Variants in KIF5C observed in about 807,000 individuals in gnomAD.
The protein encoded by KIF5C is kinesin heavy chain isoform 5C.
A neutral mutation model predicts 125.2 loss-of-function variants in KIF5C; 18 were observed. The observed-to-expected ratio is 0.14, with a 90% CI of 0.10 to 0.21. The LOEUF is 0.21. Among genes scored for constraint, KIF5C ranks in the 10% least tolerant of loss-of-function variants. The pLI is 1.00. For synonymous variants in KIF5C, 405 were observed against 434.0 expected (o/e 0.93, Z 0.83); for missense variants, 780 against 1,183.8 (o/e 0.66, Z 5.01).
intron 17 of KIF5C, among the ~76,000 whole-genome samples, chr2:148,994,904 T>C (rs537097752): frequency 2.0e-5 from 3 of 152,232 alleles, no homozygotes; most frequent in East Asian, 1.9e-4. Context: ...GGTTTCACCA[T>C]ATTGGCCAGG....
At chr2:148,963,508 G>T (rs1682977972) in intron 11 of KIF5C, among the ~76,000 whole-genome samples, 1 of 152,188 alleles carries the variant, frequency 6.6e-6, no homozygotes, top group Non-Finnish European at 1.5e-5. Flanking sequence ...TAAATAACAT[G>T]ATTCTTTTAT....
In KIF5C at chr2:149,026,177, G is replaced by C. The variant is rs1682682795; in HGVS notation, c.*3107G>C. ...GCTATATGACATACTGGGAAAGGCA[G>C]AGGGTGGAGGGAAGATTTCACTTCA... On this transcript the variant is annotated 3_prime_UTR_variant, in exon 26 of 26. Transcript: ENST00000435030. 1 of 152,518 alleles carries C rather than the reference G, an allele frequency of 6.6e-6. No homozygotes were observed. 9.4% of individuals were successfully genotyped at this position (152,518 alleles called of 1,614,324 possible). A position where few individuals can be genotyped will look rare whatever the true frequency, so the allele number is the denominator to read the frequency against.
In KIF5C at chr2:148,994,484, C is replaced by T. The variant is rs1448658443; in HGVS notation, c.1969C>T (p.Leu657=). ...MQNMEQKRRQ[L]EESQDSLSEE... Reference sequence around the variant, plus strand: ...GAACATGGAACAGAAGAGGAGGCAGCTAGAAGAGTCCCAGGACTCGCTCAG... The same window carrying T: ...GAACATGGAACAGAAGAGGAGGCAGTTAGAAGAGTCCCAGGACTCGCTCAG... The change falls in exon 17 of 26, where the codon CTA becomes TTA. Residue 657 remains leucine, a synonymous_variant. Coordinates refer to ENST00000435030, the MANE Select transcript of KIF5C (RefSeq NM_004522.3). 1 of 1,576,396 alleles carries T rather than the reference C, an allele frequency of 6.3e-7. No individual in the cohort carries two copies. Among genetic ancestry groups the T allele is most frequent in the South Asian group, 1.2e-5 (1 of 85,532 alleles).
chr2:148,879,417 G>A (rs1681284181), intron 1 of KIF5C: 1 of 152,092 alleles, frequency 6.6e-6, no homozygotes, highest in Non-Finnish European at 1.5e-5. Flanking sequence ...GATAAGTGCT[G>A]TTTCTCTGAG....
intron 10 of KIF5C, among the ~76,000 whole-genome samples, chr2:148,954,360 C>T (rs7569536): frequency 0.15 from 22,289 of 152,188 alleles, 2,432 homozygotes; most frequent in African/African-American, 0.3. Flanking sequence ...TTTATTGATT[C>T]TTTTCTTCTG....
intron 24 of KIF5C, 125 bp from the exon 25 acceptor site, chr2:149,011,445 A>T: frequency 7.6e-7 from 1 of 1,317,948 alleles, no homozygotes; most frequent in Non-Finnish European, 1.0e-6. Flanking sequence ...CTGGTGGTTG[A>T]TAAGAATTGT....
At chr2:148,961,333 T>C (rs1421520066) in intron 10 of KIF5C, among the ~76,000 whole-genome samples, 1 of 152,046 alleles carries the variant, frequency 6.6e-6, no homozygotes, top group Non-Finnish European at 1.5e-5. Flanking sequence ...GGAGCCATGG[T>C]GTCCTCTGGC....
chr2:149,016,180 G>A (rs1282905025), intron 25 of KIF5C, among the ~76,000 whole-genome samples: 2 of 152,200 alleles, frequency 1.3e-5, no homozygotes, highest in Non-Finnish European at 2.9e-5. Context: ...GAGTGGATGG[G>A]GAGGGAGTTG....
At chr2:148,900,441 G>A (rs991815946) in intron 1 of KIF5C, among the ~76,000 whole-genome samples, 3 of 152,152 alleles carry the variant, frequency 2.0e-5, no homozygotes, top group African/African-American at 2.4e-5. Flanking sequence ...GTCTTAAAAT[G>A]TTCCTCATTT....
At chr2:149,005,257 G>C in intron 21 of KIF5C, 136 bp from the exon 22 acceptor site, 2 of 1,382,150 alleles carry the variant, frequency 1.4e-6, no homozygotes, top group Non-Finnish European at 2.0e-6. Flanking sequence ...GTCAGGGTGG[G>C]GGTGTCACAG....
At chr2:148,922,026 G>A in intron 1 of KIF5C, 111 bp from the exon 2 acceptor site, 2 of 631,122 alleles carry the variant, frequency 3.2e-6, no homozygotes, top group Non-Finnish European at 5.5e-6. Context: ...TTAAAGAACA[G>A]GGTTGGTGAC....
chr2:149,005,961 G>A (rs1266666769), intron 22 of KIF5C, among the ~76,000 whole-genome samples: 11 of 152,208 alleles, frequency 7.2e-5, no homozygotes, highest in Admixed American at 7.2e-4. Context: ...CTGCAGATGT[G>A]GAGATAGGCT....
chr2:149,011,501 A>C, intron 24 of KIF5C, 69 bp from the exon 25 acceptor site: 7 of 1,584,560 alleles, frequency 4.4e-6, no homozygotes, highest in African/African-American at 1.3e-5. Flanking sequence ...GGTGACCTGT[A>C]GATATCAGGG....
chr2:148,948,429 A>G (rs916208168), intron 8 of KIF5C, among the ~76,000 whole-genome samples: 2 of 152,184 alleles, frequency 1.3e-5, no homozygotes, highest in African/African-American at 4.8e-5. Flanking sequence ...GATGGAAATA[A>G]TGGAGGATTA....
intron 25 of KIF5C, among the ~76,000 whole-genome samples, chr2:149,021,735 T>C (rs10713181): frequency 4.8e-5 from 7 of 146,508 alleles, no homozygotes; most frequent in African/African-American, 7.7e-5. Context: ...TTTTTTTTTT[T>C]AATCAAAAGA....
chr2:148,921,171 G>A (rs1004062670), intron 1 of KIF5C, among the ~76,000 whole-genome samples: 2 of 152,160 alleles, frequency 1.3e-5, no homozygotes, highest in Admixed American at 6.5e-5. Context: ...GTGATTGGGC[G>A]TCAGGGCACA....
intron 12 of KIF5C, among the ~76,000 whole-genome samples, chr2:148,975,042 C>A (rs866111158): frequency 6.6e-6 from 1 of 152,176 alleles, no homozygotes; most frequent in Non-Finnish European, 1.5e-5. Flanking sequence ...TGAGAGTCTC[C>A]GTCTCCTGAT....
At chr2:148,919,974 T>C (rs1189517900) in intron 1 of KIF5C, among the ~76,000 whole-genome samples, 1 of 152,252 alleles carries the variant, frequency 6.6e-6, no homozygotes, top group East Asian at 1.9e-4. Context: ...ATTATCTGTT[T>C]GTCATTTGAT....
chr2:149,005,185 G>C (rs1681969780), intron 21 of KIF5C, among the ~76,000 whole-genome samples: 1 of 152,122 alleles, frequency 6.6e-6, no homozygotes, highest in African/African-American at 2.4e-5. Flanking sequence ...TTGTGGTCTG[G>C]GTTCTCAGGC....
Sources: allele counts gnomAD v4.1 joint callset (sites outside exome capture counted in the v4.1 genomes callset), GRCh38; gene constraint gnomAD v4.1.1; transcripts MANE v1.5; gene names NCBI Gene and HGNC (gene_info 2026-07-23, HGNC 2026-07-21).